The following PRKG2 variants were observed in gnomAD, a reference collection of about 807,000 sequenced individuals.
PRKG2 encodes protein kinase cGMP-dependent 2.
PRKG2 carries 33 observed loss-of-function variants against 97.2 expected under a neutral mutation model. The ratio of observed to expected loss-of-function variants is 0.34; its 90% CI spans 0.26 to 0.45. The LOEUF is 0.45. PRKG2 is among the 20% of genes least tolerant of loss of function. PRKG2 has a pLI of 1.00. For missense variants in PRKG2, 638 were observed against 900.0 expected (o/e 0.71, Z 3.73); for synonymous variants, 330 against 321.8 (o/e 1.03, Z -0.27).
chr4:81,120,424 T>C lies in PRKG2; in HGVS notation c.1777-9813A>G, dbSNP rs148373680. Among the ~76,000 whole-genome samples the C allele has an allele frequency of 9.9e-4, 151 of 152,358 alleles. 1 individual carries two copies. The highest frequency in any genetic ancestry group is 1.3e-3 in the Non-Finnish European group (88 of 68,028). On this transcript the variant is annotated intron_variant, in intron 14 of 18. Transcript: ENST00000264399. The stretch of plus-strand genomic sequence containing the variant: ...TTTTTCTTTGAACAATACTGAGTCT[T>C]TCAATCGATGAACATGGAATACTCT...
Position 81,104,365 on chromosome 4 carries a change from T to C in PRKG2, c.2126+5A>G, listed in dbSNP as rs201667781. 1,738 of 1,517,840 alleles carry C rather than the reference T, an allele frequency of 1.1e-3. 8 individuals carry two copies. Among genetic ancestry groups the C allele is most frequent in the Middle Eastern group, 8.9e-3 (50 of 5,634 alleles). The allele number at this position is 1,517,840 out of a possible 1,614,324, so 94.0% of individuals were successfully genotyped here. A position where few individuals can be genotyped will look rare whatever the true frequency, so the allele number is the denominator to read the frequency against. Reference sequence around the variant, plus strand: ...ATTTTTCTGGGCAAAGAAATAATTATGTACCTGTGTTTCTTAATGTCATTT... The same window carrying C: ...ATTTTTCTGGGCAAAGAAATAATTACGTACCTGTGTTTCTTAATGTCATTT... On this transcript the variant is annotated splice_donor_5th_base_variant and intron_variant, in intron 17 of 18. Transcript: ENST00000264399.
intron 2 of PRKG2, among the ~76,000 whole-genome samples, chr4:81,183,655 C>T (rs1408803438): frequency 6.6e-6 from 1 of 152,016 alleles, no homozygotes; most frequent in Admixed American, 6.6e-5. Context: ...TCGTTCACTC[C>T]CCTGAAAAGG....
At chr4:81,155,729 T>C (rs1459659080) in intron 6 of PRKG2, among the ~76,000 whole-genome samples, 2 of 151,564 alleles carry the variant, frequency 1.3e-5, no homozygotes, top group Non-Finnish European at 2.9e-5. Flanking sequence ...ACAGCAGATC[T>C]CTCGGCAGAA....
At chr4:81,146,371 T>C (rs527351794) in intron 9 of PRKG2, among the ~76,000 whole-genome samples, 5 of 152,270 alleles carry the variant, frequency 3.3e-5, no homozygotes, top group African/African-American at 1.2e-4. Flanking sequence ...CAATAACTAA[T>C]GAACTTTTTT....
Position 81,100,746 on chromosome 4 carries a change from C to T in PRKG2, c.2126+3624G>A, listed in dbSNP as rs1052545412. 1.4e-4 allele frequency among the ~76,000 whole-genome samples: 21 copies of T among 152,238 alleles called. 2 individuals are homozygous for T. Among genetic ancestry groups the T allele is most frequent in the Admixed American group, 1.2e-3 (18 of 15,298 alleles). ...CTAATTAAACTAAAGAGCTTCTGCA[C>T]AGCAAAAGAAACTACCATCAGAGTG... is the stretch of plus-strand genomic sequence containing the variant. On this transcript the variant is annotated intron_variant, in intron 17 of 18. Coordinates refer to ENST00000264399, the MANE Select transcript of PRKG2 (RefSeq NM_006259.3).
At chr4:81,136,998 A>C (rs917195513) in intron 13 of PRKG2, among the ~76,000 whole-genome samples, 6 of 152,088 alleles carry the variant, frequency 3.9e-5, no homozygotes, top group African/African-American at 1.4e-4. Context: ...TGTAAAACTG[A>C]ATCTTCGCAG....
At chr4:81,130,720 C>T (rs1278671121) in intron 14 of PRKG2, among the ~76,000 whole-genome samples, 1 of 152,188 alleles carries the variant, frequency 6.6e-6, no homozygotes, top group African/African-American at 2.4e-5. Flanking sequence ...GGCAGTCTGG[C>T]TACGGTGGTT....
chr4:81,190,567 A>G lies in PRKG2; in HGVS notation c.461+14020T>C, dbSNP rs564023838. On this transcript the variant is annotated intron_variant, in intron 2 of 18. Transcript: ENST00000264399. ...CTAAAACACCAAAAGCAATGGTAAC[A>G]AAAGCCAAAATTGACAAATGGGATC... Among the ~76,000 whole-genome samples, 213 of 152,340 alleles carry G rather than the reference A, an allele frequency of 1.4e-3. 3 individuals are homozygous for G. The highest frequency in any genetic ancestry group is 4.9e-3 in the African/African-American group (203 of 41,582).
intron 4 of PRKG2, among the ~76,000 whole-genome samples, chr4:81,171,179 T>G (rs543858212): frequency 6.9e-6 from 1 of 144,944 alleles, no homozygotes; most frequent in African/African-American, 2.5e-5. Flanking sequence ...CCCCTCCCCA[T>G]TGGGCTCCAG....
chr4:81,190,943 G>C (rs1037056017), intron 2 of PRKG2, among the ~76,000 whole-genome samples: 1 of 152,162 alleles, frequency 6.6e-6, no homozygotes, highest in Non-Finnish European at 1.5e-5. Flanking sequence ...ACAGATGCTG[G>C]AGAGGATGTG....
At chr4:81,204,525 G>A (rs916785294) in intron 2 of PRKG2, 62 bp downstream of exon 2, 3 of 1,441,350 alleles carry the variant, frequency 2.1e-6, no homozygotes, top group Non-Finnish European at 2.8e-6. Flanking sequence ...CTTAATAAAT[G>A]TCACTCTCAT....
At chr4:81,123,506 G>A (rs1342298385) in intron 14 of PRKG2, among the ~76,000 whole-genome samples, 2 of 152,178 alleles carry the variant, frequency 1.3e-5, no homozygotes, top group African/African-American at 4.8e-5. Flanking sequence ...CCAGGTTCAC[G>A]CCATTCTCCT....
At chr4:81,100,938 T>G (rs1302993193) in intron 17 of PRKG2, among the ~76,000 whole-genome samples, 1 of 152,098 alleles carries the variant, frequency 6.6e-6, no homozygotes, top group Non-Finnish European at 1.5e-5. Flanking sequence ...AAGAAGACAT[T>G]TATGCAGCCA....
intron 17 of PRKG2, among the ~76,000 whole-genome samples, chr4:81,093,194 C>T (rs1324600320): frequency 2.0e-5 from 3 of 152,150 alleles, no homozygotes; most frequent in South Asian, 2.1e-4. Flanking sequence ...ATTCTCCTAA[C>T]CAACTAGGGT....
intron 14 of PRKG2, among the ~76,000 whole-genome samples, chr4:81,112,222 A>AT (rs757235654): frequency 1.2e-3 from 186 of 152,190 alleles, no homozygotes; most frequent in Non-Finnish European, 1.9e-3. Flanking sequence ...GCTTTTGCTG[A>AT]TTTTTTCATC....
At chr4:81,135,444 T>C (rs543263225) in intron 13 of PRKG2, 148 bp from the exon 14 acceptor site, 133 of 702,534 alleles carry the variant, frequency 1.9e-4, no homozygotes, top group African/African-American at 1.6e-3. Context: ...ATACTACCCA[T>C]GAATTAAGCT....
intron 13 of PRKG2, 28 bp from the exon 14 acceptor site, chr4:81,135,324 T>C (rs1057119882): frequency 1.7e-5 from 27 of 1,605,902 alleles, no homozygotes; most frequent in Non-Finnish European, 2.2e-5. Context: ...TCCCTCTTAA[T>C]ACTTTGGATA....
intron 7 of PRKG2, chr4:81,153,436 T>A (rs1748617604): frequency 4.2e-6 from 2 of 474,596 alleles, no homozygotes; most frequent in East Asian, 7.2e-5. Context: ...CTACATAACA[T>A]CACTAAGAAG....
intron 14 of PRKG2, among the ~76,000 whole-genome samples, chr4:81,129,195 C>G (rs1344613791): frequency 6.6e-6 from 1 of 152,094 alleles, no homozygotes; most frequent in Non-Finnish European, 1.5e-5. Context: ...GATTTCCGTT[C>G]TTTTGCATTT....
Sources: gnomAD v4.1 joint callset for allele counts (sites outside exome capture counted in the v4.1 genomes callset) on GRCh38, gnomAD v4.1.1 for gene constraint, MANE v1.5 for transcripts, NCBI Gene and HGNC (gene_info 2026-07-23, HGNC 2026-07-21) for gene names.